EIF3H: variants seen among roughly 807,000 people sequenced by gnomAD.
EIF3H encodes the protein eIF-3-gamma.
EIF3H carries 26 observed loss-of-function variants against 44.2 expected under a neutral mutation model. The observed-to-expected ratio is 0.59, with a 90% CI of 0.43 to 0.82. EIF3H has a LOEUF of 0.82. Among genes scored for constraint, EIF3H ranks in the 40% least tolerant of loss-of-function variants. The pLI, the probability that EIF3H is intolerant of heterozygous loss-of-function variation, is 0.00. For missense variants in EIF3H, 359 were observed against 432.8 expected, an observed-to-expected ratio of 0.83 and a Z score of 1.51; for synonymous variants, 166 against 151.9, an observed-to-expected ratio of 1.09 and a Z score of -0.68.
At position 116,644,586 on chromosome 8, in the gene EIF3H, G is replaced by A. The variant is rs1325704911; in HGVS notation, c.*420C>T. 6.4e-6 allele frequency: 1 copy of A among 156,340 alleles called. No individual in the cohort carries two copies. The highest frequency in any genetic ancestry group is 1.4e-5 in the Non-Finnish European group (1 of 70,874). 9.7% of individuals were successfully genotyped at this position (156,340 alleles called of 1,614,324 possible). A position where few individuals can be genotyped will look rare whatever the true frequency, so the allele number is the denominator to read the frequency against. ...GGGGTGCTCATTTGGGAGCAGCGAA[G>A]TATAAAAATTCAAAAAAAAAATATT... On this transcript the variant is annotated 3_prime_UTR_variant, in exon 8 of 8. Transcript: ENST00000521861.
At chr8:116,720,289 T>G (rs535742813) in intron 2 of EIF3H, among the ~76,000 whole-genome samples, 1 of 152,368 alleles carries the variant, frequency 6.6e-6, no homozygotes, top group Admixed American at 6.5e-5. Flanking sequence ...GTTGTAATGT[T>G]TTTAAATTTA....
chr8:116,653,589 T>C (rs1432306576), intron 5 of EIF3H, among the ~76,000 whole-genome samples: 1 of 152,138 alleles, frequency 6.6e-6, no homozygotes, highest in Non-Finnish European at 1.5e-5. Flanking sequence ...AACCAGGACA[T>C]GAAGTGTTAA....
At chr8:116,704,310 T>G (rs1353000327) in intron 2 of EIF3H, among the ~76,000 whole-genome samples, 1 of 152,202 alleles carries the variant, frequency 6.6e-6, no homozygotes, top group Admixed American at 6.5e-5. Flanking sequence ...CATGCAAGTC[T>G]TCAACACAAT....
At chr8:116,645,410 C>G (rs144948213) in intron 7 of EIF3H, among the ~76,000 whole-genome samples, 134 of 152,286 alleles carry the variant, frequency 8.8e-4, no homozygotes, top group African/African-American at 3.0e-3. Context: ...ACTGAGAAAA[C>G]AGCGCTGACT....
chr8:116,752,499 C>T (rs899051546), intron 1 of EIF3H, among the ~76,000 whole-genome samples: 3 of 151,586 alleles, frequency 2.0e-5, no homozygotes, highest in Non-Finnish European at 2.9e-5. Context: ...TATCATCATC[C>T]CCATTTTACA....
chr8:116,755,573 C>A, intron 1 of EIF3H, 93 bp downstream of exon 1: 1 of 1,559,688 alleles, frequency 6.4e-7, no homozygotes. Context: ...CCACACCAAG[C>A]CCAAGGGGGA....
At chr8:116,732,483 C>G (rs1814966001) in intron 1 of EIF3H, among the ~76,000 whole-genome samples, 1 of 152,094 alleles carries the variant, frequency 6.6e-6, no homozygotes, top group Non-Finnish European at 1.5e-5. Context: ...AGACTCAGTT[C>G]CATGACAGGG....
At chr8:116,699,170 C>T (rs953587531) in intron 2 of EIF3H, among the ~76,000 whole-genome samples, 1 of 151,848 alleles carries the variant, frequency 6.6e-6, no homozygotes, top group Non-Finnish European at 1.5e-5. Context: ...CACATACCCA[C>T]ATATTTACTT....
At chr8:116,740,744 A>G (rs1815115928) in intron 1 of EIF3H, among the ~76,000 whole-genome samples, 1 of 152,132 alleles carries the variant, frequency 6.6e-6, no homozygotes, top group Non-Finnish European at 1.5e-5. Context: ...GTACACACCA[A>G]TGTGACTAAC....
In EIF3H at chr8:116,715,648, GT is replaced by G. The variant is rs1051768407; in HGVS notation, c.289+10367del. On this transcript the variant is annotated intron_variant, in intron 2 of 7. Coordinates refer to ENST00000521861, the MANE Select transcript of EIF3H (RefSeq NM_003756.3). ...TAAGCTTCCTATATCACCTGAAATA[GT>G]AAATCAATTTAGCCTGCTGAAAAGC... Among the ~76,000 whole-genome samples, 51 of 152,086 alleles carry G rather than the reference GT, an allele frequency of 3.4e-4. 1 individual carries two copies. Among genetic ancestry groups the G allele is most frequent in the Non-Finnish European group, 1.5e-5 (1 of 67,946 alleles).
intron 2 of EIF3H, among the ~76,000 whole-genome samples, chr8:116,665,324 A>G (rs1021449918): frequency 3.9e-5 from 6 of 152,222 alleles, no homozygotes; most frequent in African/African-American, 1.4e-4. Context: ...ACTACAGTTG[A>G]TAATTATCAC....
chr8:116,713,136 A>C (rs1286434502), intron 2 of EIF3H, among the ~76,000 whole-genome samples: 1 of 152,172 alleles, frequency 6.6e-6, no homozygotes, highest in Non-Finnish European at 1.5e-5. Context: ...TATTTAATTA[A>C]AATTTAAACC....
At chr8:116,748,909 T>C (rs1815283973) in intron 1 of EIF3H, among the ~76,000 whole-genome samples, 1 of 152,232 alleles carries the variant, frequency 6.6e-6, no homozygotes, top group Non-Finnish European at 1.5e-5. Context: ...TATTGGTTTT[T>C]ATTTGTATTT....
Position 116,680,946 on chromosome 8 carries a change from A to G in EIF3H, c.290-21966T>C, listed in dbSNP as rs868275687. Among the ~76,000 whole-genome samples, 5 of 150,972 alleles carry G rather than the reference A, an allele frequency of 3.3e-5. No individual in the cohort carries two copies. In the South Asian group the frequency reaches 1.0e-3, roughly 31 times the overall value. ...TTGATGGGCTGACAATATTGGGATG[A>G]GTAATAAAGATGTGGAATTTATAAA... On this transcript the variant is annotated intron_variant, in intron 2 of 7. Coordinates refer to ENST00000521861, the MANE Select transcript of EIF3H (RefSeq NM_003756.3).
At chr8:116,682,613 A>G (rs1814008694) in intron 2 of EIF3H, among the ~76,000 whole-genome samples, 1 of 152,186 alleles carries the variant, frequency 6.6e-6, no homozygotes, top group Non-Finnish European at 1.5e-5. Context: ...AATTACTCAC[A>G]ATAGGTAAAA....
chr8:116,756,736 C>T (rs1021429980), upstream of EIF3H, among the ~76,000 whole-genome samples: 2 of 152,150 alleles, frequency 1.3e-5, no homozygotes, highest in Non-Finnish European at 2.9e-5. Flanking sequence ...TTACATGTTA[C>T]AAATTCTTAA....
intron 2 of EIF3H, among the ~76,000 whole-genome samples, chr8:116,719,879 A>G (rs1814715355): frequency 6.6e-6 from 1 of 152,194 alleles, no homozygotes; most frequent in African/African-American, 2.4e-5. Flanking sequence ...GATACGGAAT[A>G]ATGACCTACA....
chr8:116,675,069 T>A (rs1054099986), intron 2 of EIF3H, among the ~76,000 whole-genome samples: 5 of 151,604 alleles, frequency 3.3e-5, no homozygotes, highest in African/African-American at 1.2e-4. Flanking sequence ...AATATCTCAT[T>A]TCACATCTAT....
intron 1 of EIF3H, among the ~76,000 whole-genome samples, chr8:116,730,456 C>T (rs1814932597): frequency 6.6e-6 from 1 of 152,204 alleles, no homozygotes; most frequent in Non-Finnish European, 1.5e-5. Context: ...CCGCAACCCC[C>T]CACGTGGAAA....
Sources: allele counts gnomAD v4.1 joint callset (sites outside exome capture counted in the v4.1 genomes callset), GRCh38; gene constraint gnomAD v4.1.1; transcripts MANE v1.5; gene names NCBI Gene and HGNC (gene_info 2026-07-23, HGNC 2026-07-21).